LIPI: variants seen among roughly 807,000 people sequenced by gnomAD.
The protein encoded by LIPI is lipase member I.
A neutral mutation model predicts 50.6 loss-of-function variants in LIPI; 59 were observed. The ratio of observed to expected loss-of-function variants is 1.16; its 90% CI spans 0.94 to 1.45. LIPI has a LOEUF of 1.45. Ranked by LOEUF, LIPI falls within the 40% of genes most tolerant of loss-of-function variation. The pLI is 0.00. For missense variants in LIPI, 586 were observed against 536.3 expected, an observed-to-expected ratio of 1.09 and a Z score of -0.92; for synonymous variants, 203 against 178.2, an observed-to-expected ratio of 1.14 and a Z score of -1.11.
At chr21:14,156,346 CAG>C (rs901540486) in intron 7 of LIPI, among the ~76,000 whole-genome samples, 4 of 151,742 alleles carry the variant, frequency 2.6e-5, no homozygotes, top group African/African-American at 9.7e-5. Flanking sequence ...GAATCAGAAA[CAG>C]AGATGTCGTG....
intron 1 of LIPI, among the ~76,000 whole-genome samples, chr21:14,197,639 G>C (rs2019907633): frequency 6.6e-6 from 1 of 152,044 alleles, no homozygotes; most frequent in African/African-American, 2.4e-5. Flanking sequence ...ATAAATCTAT[G>C]ACTCACTGGT....
At chr21:14,119,290 AC>A (rs1568832150) in intron 9 of LIPI, among the ~76,000 whole-genome samples, 3 of 152,138 alleles carry the variant, frequency 2.0e-5, no homozygotes, top group African/African-American at 7.2e-5. Flanking sequence ...AGCTACACCC[AC>A]CAGAAAGGAA....
intron 4 of LIPI, among the ~76,000 whole-genome samples, chr21:14,177,086 T>A (rs2019124154): frequency 6.6e-6 from 1 of 152,096 alleles, no homozygotes; most frequent in South Asian, 2.1e-4. Context: ...TGTAGTTGCC[T>A]TTTTTTGCAA....
chr21:14,169,592 A>G (rs545887661), intron 4 of LIPI, among the ~76,000 whole-genome samples: 1 of 152,368 alleles, frequency 6.6e-6, no homozygotes, highest in South Asian at 2.1e-4. Flanking sequence ...TGGAAACTGA[A>G]CAATCTGCTC....
At chr21:14,168,533 A>T (rs1368721880) in intron 4 of LIPI, among the ~76,000 whole-genome samples, 6 of 152,250 alleles carry the variant, frequency 3.9e-5, no homozygotes, top group African/African-American at 1.4e-4. Context: ...AAACTCTACA[A>T]GCCAGGAGAG....
chr21:14,129,816 A>T (rs200901860), intron 9 of LIPI, among the ~76,000 whole-genome samples: 7 of 151,014 alleles, frequency 4.6e-5, no homozygotes, highest in South Asian at 2.1e-4. Flanking sequence ...TTTTAAAAAA[A>T]AAAAAAGCTT....
chr21:14,168,322 T>G (rs9680285), intron 4 of LIPI, among the ~76,000 whole-genome samples: 68,112 of 151,934 alleles, frequency 0.45, 15,658 homozygotes, highest in East Asian at 0.64. Context: ...TTCCCCAATC[T>G]AGCGAGGAAG....
rs1056611677 is a variant in LIPI at position 14,116,841 on chromosome 21, C to A, written c.1296-7761G>T. On this transcript the variant is annotated intron_variant, in intron 9 of 9. Coordinates refer to ENST00000681601, the MANE Select transcript of LIPI (RefSeq NM_001302998.2). ...AACAATAGAAAAGACCCACAAAGTG[C>A]AGGCCCAGGAGAAAGAGTAGCAAGG... Among the ~76,000 whole-genome samples, 12 of 152,290 alleles carry A rather than the reference C, an allele frequency of 7.9e-5. No individual in the cohort carries two copies. In the South Asian group the frequency reaches 2.3e-3, roughly 29 times the overall value.
Position 14,118,279 on chromosome 21 carries a change from G to A in LIPI, c.1296-9199C>T, listed in dbSNP as rs138219081. The stretch of plus-strand genomic sequence containing the variant: ...CCTATGGTCTCAATTGTAGTAGGGC[G>A]CTGAAAAATAGACTTTATGGTAGAC... On this transcript the variant is annotated intron_variant, in intron 9 of 9. Transcript: ENST00000681601. 1.2e-3 allele frequency among the ~76,000 whole-genome samples: 176 copies of A among 152,154 alleles called. 1 individual carries two copies. The highest frequency in any genetic ancestry group is 3.9e-3 in the African/African-American group (162 of 41,518).
intron 9 of LIPI, among the ~76,000 whole-genome samples, chr21:14,128,897 G>C (rs544282511): frequency 6.6e-6 from 1 of 152,196 alleles, no homozygotes; most frequent in South Asian, 2.1e-4. Flanking sequence ...CCCTGGGTGA[G>C]AGTATTGATC....
chr21:14,134,144 T>A (rs1482043748), intron 9 of LIPI, among the ~76,000 whole-genome samples: 1 of 152,002 alleles, frequency 6.6e-6, no homozygotes, highest in Non-Finnish European at 1.5e-5. Context: ...GGTGGGAGGA[T>A]CACTTGGGCC....
chr21:14,117,307 T>A (rs2016686643), intron 9 of LIPI, among the ~76,000 whole-genome samples: 1 of 105,966 alleles, frequency 9.4e-6, no homozygotes, highest in Non-Finnish European at 1.9e-5. Context: ...TCCATCTTCT[T>A]AACTCACAGC....
chr21:14,152,650 A>C lies in LIPI; in HGVS notation c.1041T>G (p.Asp347Glu). Reference protein sequence around the residue: ...YYFVLSIIVPDKTMMDGSFSF... With the variant: ...YYFVLSIIVPEKTMMDGSFSF... ...AAAACGAGCCATCCATCATAGTTTT[A>C]TCTGGAACAATTATACTGAGAACAA... Residue 347 changes from aspartate to glutamate, a missense_variant, in exon 8 of 10, where the codon GAT (aspartate) becomes GAG (glutamate). Coordinates refer to ENST00000681601, the MANE Select transcript of LIPI (RefSeq NM_001302998.2). 1.3e-6 allele frequency: 2 copies of C among 1,549,020 alleles called. No individual in the cohort carries two copies. The highest frequency in any genetic ancestry group is 1.8e-6 in the Non-Finnish European group (2 of 1,122,514).
intron 4 of LIPI, among the ~76,000 whole-genome samples, chr21:14,176,076 G>A (rs562469309): frequency 3.1e-4 from 47 of 151,722 alleles, no homozygotes; most frequent in Non-Finnish European, 5.9e-4. Flanking sequence ...TACTCGGGAG[G>A]CTGAGGCAGG....
intron 9 of LIPI, among the ~76,000 whole-genome samples, chr21:14,125,539 G>GTGTTT (rs369855887): frequency 0.028 from 4,217 of 152,134 alleles, 181 homozygotes; most frequent in African/African-American, 0.093. Context: ...CAAGATGATA[G>GTGTTT]TGTTTTGTTT....
chr21:14,111,324 G>A (rs542645542), intron 9 of LIPI, among the ~76,000 whole-genome samples: 6 of 151,836 alleles, frequency 4.0e-5, no homozygotes, highest in South Asian at 4.2e-4. Context: ...TTTAATTTGC[G>A]TTTCCCTCAT....
chr21:14,143,987 C>T, intron 9 of LIPI: 1 of 176,218 alleles, frequency 5.7e-6, no homozygotes, highest in Non-Finnish European at 1.3e-5. Context: ...GATATACTGA[C>T]AAACCAAGAC....
At position 14,165,290 on chromosome 21, in the gene LIPI, G is replaced by A. The variant is rs745527983; in HGVS notation, c.834C>T (p.Tyr278=). The part of the protein sequence containing the change: ...CNFISFPCRS[Y]KDYKTSLCVD... ...CACATAAGCTAGTCTTGTAATCTTT[G>A]TATGAACGACAAGGAAATGAAATAA... The change falls in exon 6 of 10, where the codon TAC becomes TAT. Residue 278 remains tyrosine, a synonymous_variant. Transcript: ENST00000681601. 1.4e-5 allele frequency: 22 copies of A among 1,612,272 alleles called. No homozygotes were observed. The highest frequency in any genetic ancestry group is 1.8e-5 in the Non-Finnish European group (21 of 1,178,772).
At chr21:14,151,837 T>C (rs2018101831) in intron 8 of LIPI, among the ~76,000 whole-genome samples, 1 of 151,948 alleles carries the variant, frequency 6.6e-6, no homozygotes, top group African/African-American at 2.4e-5. Flanking sequence ...AAAAGTTAAA[T>C]AAAAGATTGA....
Sources: gnomAD v4.1 joint callset for allele counts (sites outside exome capture counted in the v4.1 genomes callset) on GRCh38, gnomAD v4.1.1 for gene constraint, MANE v1.5 for transcripts, NCBI Gene and HGNC (gene_info 2026-07-23, HGNC 2026-07-21) for gene names.